PRELID2: variants seen among roughly 807,000 people sequenced by gnomAD.
The protein encoded by PRELID2 is PRELI domain-containing protein 2.
In PRELID2, 25 loss-of-function variants were observed where a neutral mutation model predicts 28.4. That is an observed-to-expected ratio of 0.88 (90% CI 0.64 to 1.23). PRELID2 has a LOEUF of 1.23. Ranked by LOEUF, PRELID2 falls within the 50% of genes most tolerant of loss-of-function variation. The pLI is 0.00. For synonymous variants in PRELID2, 76 were observed against 71.6 expected (o/e 1.06, Z -0.31); for missense variants, 201 against 214.4 (o/e 0.94, Z 0.39).
chr5:145,441,735 TCCACCGCCAC>T, the PRELID2 span, among the ~76,000 whole-genome samples: 1 of 152,080 alleles, frequency 6.6e-6, no homozygotes, highest in South Asian at 2.1e-4. Flanking sequence ...GCACACAGCC[TCCACCGCCAC>T]ACATTGCCTC....
chr5:145,250,809 A>G, the PRELID2 span, among the ~76,000 whole-genome samples: 1 of 152,118 alleles, frequency 6.6e-6, no homozygotes, highest in Non-Finnish European at 1.5e-5. Flanking sequence ...TAAAACAAAC[A>G]AACGAATGTT....
intron 1 of PRELID2, among the ~76,000 whole-genome samples, chr5:145,529,003 C>A (rs1752633608): frequency 1.3e-5 from 2 of 152,280 alleles, no homozygotes; most frequent in South Asian, 4.1e-4. Context: ...CCCAACATCT[C>A]CCTCCGTTTT....
the PRELID2 span, among the ~76,000 whole-genome samples, chr5:145,390,033 C>A: frequency 1.3e-5 from 2 of 152,164 alleles, no homozygotes; most frequent in African/African-American, 2.4e-5. Flanking sequence ...AACAAATCTG[C>A]CTTCACAGTT....
chr5:145,235,901 C>A, the PRELID2 span, among the ~76,000 whole-genome samples: 1 of 152,056 alleles, frequency 6.6e-6, no homozygotes, highest in Non-Finnish European at 1.5e-5. Context: ...TAAACAGGAG[C>A]CAGTGCACAG....
At chr5:145,435,461 G>C in the PRELID2 span, among the ~76,000 whole-genome samples, 3 of 152,182 alleles carry the variant, frequency 2.0e-5, no homozygotes, top group Non-Finnish European at 4.4e-5. Context: ...GTGATGGGGA[G>C]AGTGGGGTCC....
chr5:145,690,282 C>T (rs910942586), intron 1 of PRELID2, among the ~76,000 whole-genome samples: 1 of 152,122 alleles, frequency 6.6e-6, no homozygotes, highest in African/African-American at 2.4e-5. Context: ...CCACAGCCAC[C>T]GCATCTGGCG....
intron 1 of PRELID2, among the ~76,000 whole-genome samples, chr5:145,538,852 C>T (rs1004551741): frequency 6.6e-6 from 1 of 151,788 alleles, no homozygotes; most frequent in South Asian, 2.1e-4. Flanking sequence ...GTGAATGAAG[C>T]AAATTTTTGA....
At chr5:145,753,080 G>A (rs1383108089), downstream of PRELID2, among the ~76,000 whole-genome samples, 1 of 152,162 alleles carries the variant, frequency 6.6e-6, no homozygotes, top group Non-Finnish European at 1.5e-5. Flanking sequence ...TTTGTCATCG[G>A]ATCTAAAAGT....
At chr5:145,499,496 T>C (rs761969800) in intron 1 of PRELID2, among the ~76,000 whole-genome samples, 7 of 152,136 alleles carry the variant, frequency 4.6e-5, no homozygotes, top group Non-Finnish European at 1.0e-4. Context: ...AAATTCTCAA[T>C]GTGCTCCAAA....
At chr5:145,780,337 C>T (rs1271045658) in intron 5 of PRELID2, among the ~76,000 whole-genome samples, 1 of 152,216 alleles carries the variant, frequency 6.6e-6, no homozygotes, top group Non-Finnish European at 1.5e-5. Context: ...GTTGTTGCCA[C>T]ATCCTATCCT....
the PRELID2 span, among the ~76,000 whole-genome samples, chr5:145,392,089 C>A: frequency 4.9e-4 from 75 of 152,166 alleles, no homozygotes; most frequent in Non-Finnish European, 2.5e-4. Flanking sequence ...AAAGTTGCTT[C>A]CACATTTTCA....
chr5:145,345,630 T>A, the PRELID2 span, among the ~76,000 whole-genome samples: 2 of 152,078 alleles, frequency 1.3e-5, no homozygotes, highest in African/African-American at 4.8e-5. Flanking sequence ...TAATAACCTT[T>A]TCATTTCAGC....
chr5:145,614,684 C>T (rs970131350), intron 1 of PRELID2, among the ~76,000 whole-genome samples: 1 of 152,088 alleles, frequency 6.6e-6, no homozygotes, highest in African/African-American at 2.4e-5. Flanking sequence ...AATCTTGTAT[C>T]CAGAAACTTT....
chr5:145,457,722 A>C, the PRELID2 span, among the ~76,000 whole-genome samples: 1 of 152,174 alleles, frequency 6.6e-6, no homozygotes, highest in Non-Finnish European at 1.5e-5. Flanking sequence ...AATATGATTC[A>C]TTTTGGACAT....
At chr5:145,487,264 T>C (rs1311852746) in intron 1 of PRELID2, among the ~76,000 whole-genome samples, 1 of 151,324 alleles carries the variant, frequency 6.6e-6, no homozygotes, top group African/African-American at 2.4e-5. Context: ...GACTAAGTCG[T>C]CAGGGGGCCA....
chr5:145,391,721 A>AT, the PRELID2 span, among the ~76,000 whole-genome samples: 2 of 148,948 alleles, frequency 1.3e-5, no homozygotes, highest in African/African-American at 5.0e-5. Context: ...CAGGCTGCAG[A>AT]TTTTTCAAAC....
At chr5:145,651,625 T>C (rs1376421897) in intron 1 of PRELID2, among the ~76,000 whole-genome samples, 3 of 152,224 alleles carry the variant, frequency 2.0e-5, no homozygotes, top group Non-Finnish European at 2.9e-5. Flanking sequence ...CAGCCTCTGC[T>C]GCTGATACCC....
intron 1 of PRELID2, among the ~76,000 whole-genome samples, chr5:145,555,897 T>C (rs950392154): frequency 2.6e-5 from 4 of 152,078 alleles, no homozygotes; most frequent in African/African-American, 4.8e-5. Flanking sequence ...ACATTAAAAC[T>C]TGTGCTCAGG....
the PRELID2 span, among the ~76,000 whole-genome samples, chr5:145,259,294 T>C: frequency 1.3e-5 from 2 of 152,148 alleles, no homozygotes; most frequent in African/African-American, 4.8e-5. Context: ...AGTGGAGCTA[T>C]GAGAAGAAGG....
Sources: allele counts gnomAD v4.1 joint callset (sites outside exome capture counted in the v4.1 genomes callset), GRCh38; gene constraint gnomAD v4.1.1; transcripts MANE v1.5; gene names NCBI Gene and HGNC (gene_info 2026-07-23, HGNC 2026-07-21).